Variants in MTBP observed in about 807,000 individuals in gnomAD.
The protein encoded by MTBP is mdm2-binding protein.
Under a neutral mutation model 117.0 loss-of-function variants are expected in MTBP, and 101 were observed. The ratio of observed to expected loss-of-function variants is 0.86; its 90% CI spans 0.73 to 1.02. The LOEUF is 1.02. Among genes scored for constraint, MTBP ranks in the 50% least tolerant of loss-of-function variants. The probability of loss-of-function intolerance (pLI) is 0.00; values close to 1 mark genes in which losing one functional copy is unlikely to be tolerated. For missense variants in MTBP, 970 were observed against 1,030.9 expected, an observed-to-expected ratio of 0.94 and a Z score of 0.81; for synonymous variants, 350 against 351.5, an observed-to-expected ratio of 1.00 and a Z score of 0.05.
At chr8:120,515,689 C>T (rs1282827841) in intron 17 of MTBP, among the ~76,000 whole-genome samples, 4 of 151,950 alleles carry the variant, frequency 2.6e-5, no homozygotes, top group Non-Finnish European at 5.9e-5. Context: ...CCCAGAAACA[C>T]AAGTGAAAGA....
rs1336371829 is a variant in MTBP at position 120,500,929 on chromosome 8, C to CA, written c.1610-1562dup. ...AAAATAGGCCAGGCGCGGTGGCTCACACCTGTAATCCCAGCACTTTGGGAG... is the reference window on the plus strand; with the variant it reads ...AAAATAGGCCAGGCGCGGTGGCTCACAACCTGTAATCCCAGCACTTTGGGAG... On this transcript the variant is annotated intron_variant, in intron 14 of 21. Coordinates refer to ENST00000305949, the MANE Select transcript of MTBP (RefSeq NM_022045.5). Among the ~76,000 whole-genome samples the CA allele has an allele frequency of 4.6e-5, 7 of 152,084 alleles. No homozygotes were observed. In the South Asian group the frequency reaches 8.3e-4, roughly 18 times the overall value.
chr8:120,500,369 AG>A (rs1814558108), intron 14 of MTBP, among the ~76,000 whole-genome samples: 1 of 152,104 alleles, frequency 6.6e-6, no homozygotes, highest in Non-Finnish European at 1.5e-5. Context: ...CTTAATATTT[AG>A]CCTATGTAAT....
intron 15 of MTBP, among the ~76,000 whole-genome samples, chr8:120,503,979 ATTC>A (rs941697057): frequency 6.6e-5 from 10 of 152,114 alleles, no homozygotes; most frequent in African/African-American, 1.4e-4. Context: ...AAAGTCAAGA[ATTC>A]TTCTTTAGGG....
intron 10 of MTBP, among the ~76,000 whole-genome samples, chr8:120,465,655 C>CTTTTTTTTTTTTT (rs10663319): frequency 2.0e-5 from 2 of 101,662 alleles, no homozygotes; most frequent in Non-Finnish European, 3.7e-5. Context: ...CTTATAGAGA[C>CTTTTTTTTTTTTT]TTTTTTTTTT....
chr8:120,490,476 CTTA>C lies in MTBP; in HGVS notation c.1358_1360del (p.Leu453del). The C allele has an allele frequency of 6.3e-7, 1 of 1,597,484 alleles. No homozygotes were observed. The highest frequency in any genetic ancestry group is 8.5e-7 in the Non-Finnish European group (1 of 1,172,744). ...CTTATTTCTCAGGTTTTCCTTTTGA[CTTA>C]TTATCACTTCCACATTTTTCTGGGG... On this transcript the variant is annotated inframe_deletion, in exon 13 of 22. Transcript: ENST00000305949.
chr8:120,470,827 C>T lies in MTBP; in HGVS notation c.1055C>T (p.Ala352Val). ...ATGGTCTGTTTTATTCAGGTTGGTG[C>T]TCTTTTTGTATTGCCATGTACCATT... is the stretch of plus-strand genomic sequence containing the variant. ...QISSLCSKVG[A>V]LFVLPCTISN... Residue 352 changes from alanine to valine, a missense_variant, in exon 11 of 22, where the codon GCT (alanine) becomes GTT (valine). Ala to Val is a moderately conservative substitution (Grantham distance 64). Transcript: ENST00000305949. The T allele has an allele frequency of 1.2e-6, 2 of 1,601,080 alleles. No individual in the cohort carries two copies. Among genetic ancestry groups the T allele is most frequent in the East Asian group, 2.2e-5 (1 of 44,684 alleles).
chr8:120,522,643 A>G lies in MTBP; in HGVS notation c.2611-11A>G, dbSNP rs760538202. 1 of 1,550,356 alleles carries G rather than the reference A, an allele frequency of 6.5e-7. No homozygotes were observed. The highest frequency in any genetic ancestry group is 1.4e-5 in the African/African-American group (1 of 73,222). On this transcript the variant is annotated splice_polypyrimidine_tract_variant and intron_variant, in intron 20 of 21. Coordinates refer to ENST00000305949, the MANE Select transcript of MTBP (RefSeq NM_022045.5). ...TGCAGATTGTAAAATGCTGTATTTT[A>G]TTATGTTTAGGATCTTAAAACTTCA...
At chr8:120,454,622 A>G (rs1249893466) in intron 5 of MTBP, among the ~76,000 whole-genome samples, 3 of 152,084 alleles carry the variant, frequency 2.0e-5, no homozygotes, top group African/African-American at 7.2e-5. Context: ...TGTGATTAAC[A>G]TAAAGGAGCT....
At chr8:120,494,654 C>T (rs1294958215) in intron 13 of MTBP, among the ~76,000 whole-genome samples, 1 of 152,192 alleles carries the variant, frequency 6.6e-6, no homozygotes, top group Non-Finnish European at 1.5e-5. Context: ...TCTCTTTCTG[C>T]TTCTTCAAGT....
chr8:120,520,347 G>GA (rs1345124868), intron 20 of MTBP, among the ~76,000 whole-genome samples: 1 of 151,956 alleles, frequency 6.6e-6, no homozygotes, highest in African/African-American at 2.4e-5. Context: ...CAGTTGAGAT[G>GA]AAAAAAATTT....
intron 17 of MTBP, among the ~76,000 whole-genome samples, chr8:120,515,077 T>G (rs1444001670): frequency 6.6e-6 from 1 of 152,032 alleles, no homozygotes; most frequent in African/African-American, 2.4e-5. Context: ...CTAAATCTTT[T>G]GGATACAAAA....
intron 13 of MTBP, among the ~76,000 whole-genome samples, chr8:120,491,106 A>G (rs1339009157): frequency 6.6e-6 from 1 of 152,070 alleles, no homozygotes. Flanking sequence ...TCTCTTTTAC[A>G]GTTAATTTGG....
intron 20 of MTBP, among the ~76,000 whole-genome samples, chr8:120,520,801 GAAAA>G (rs1563808060): frequency 6.6e-6 from 1 of 150,576 alleles, no homozygotes; most frequent in Non-Finnish European, 1.5e-5. Context: ...AAAGAAAAAA[GAAAA>G]AAGAAAAGAA....
chr8:120,461,108 T>C, intron 8 of MTBP, 53 bp from the exon 9 acceptor site: 2 of 1,308,738 alleles, frequency 1.5e-6, no homozygotes, highest in Non-Finnish European at 2.2e-6. Context: ...CACTAATTTG[T>C]TTACTTTTGT....
chr8:120,515,468 C>G (rs1371129117), intron 17 of MTBP, among the ~76,000 whole-genome samples: 2 of 152,006 alleles, frequency 1.3e-5, no homozygotes, highest in Non-Finnish European at 2.9e-5. Context: ...TCTAAATGTT[C>G]TAAGCTGTTT....
At chr8:120,450,753 AAAT>A (rs1315118092) in intron 2 of MTBP, among the ~76,000 whole-genome samples, 8 of 152,338 alleles carry the variant, frequency 5.3e-5, no homozygotes, top group East Asian at 3.9e-4. Flanking sequence ...AAATAATAAA[AAAT>A]AATAATACGA....
At chr8:120,486,597 G>A (rs1586957449) in intron 11 of MTBP, among the ~76,000 whole-genome samples, 1 of 152,148 alleles carries the variant, frequency 6.6e-6, no homozygotes, top group East Asian at 1.9e-4. Flanking sequence ...CAGAATGAGG[G>A]GATGAGAAAT....
At position 120,470,928 on chromosome 8, in the gene MTBP, A is replaced by C. The variant is rs1032747812; in HGVS notation, c.1156A>C (p.Thr386Pro). The C allele has an allele frequency of 6.9e-6, 11 of 1,583,934 alleles. No homozygotes were observed. The highest frequency in any genetic ancestry group is 1.3e-5 in the African/African-American group (1 of 74,246). The change falls in exon 11 of 22, where the codon ACA becomes CCA. Residue 386 changes from threonine (T) to proline (P), a missense_variant. Thr to Pro is a conservative substitution (Grantham distance 38). Transcript: ENST00000305949. ...GGAATATATAGCTAAAAAGCCTAAA[A>C]CAATCAGTGGTAAGTATTACATGTT... ...WKEYIAKKPKTISVPDVEVKG... is the reference protein window; with the variant it reads ...WKEYIAKKPKPISVPDVEVKG...
intron 19 of MTBP, 136 bp from the exon 20 acceptor site, chr8:120,518,568 T>G: frequency 1.8e-6 from 1 of 553,344 alleles, no homozygotes; most frequent in Non-Finnish European, 3.1e-6. Flanking sequence ...TTCTCAATCA[T>G]TTTGTCTTAA....
Sources: gnomAD v4.1 joint callset for allele counts (sites outside exome capture counted in the v4.1 genomes callset) on GRCh38, gnomAD v4.1.1 for gene constraint, MANE v1.5 for transcripts, NCBI Gene and HGNC (gene_info 2026-07-23, HGNC 2026-07-21) for gene names.